Variants in FBXL20 observed in about 807,000 individuals in gnomAD.
FBXL20 encodes the protein F-box/LRR-repeat protein 20.
A neutral mutation model predicts 64.0 loss-of-function variants in FBXL20; 11 were observed. The ratio of observed to expected loss-of-function variants is 0.17; its 90% confidence interval spans 0.11 to 0.28. FBXL20 has a LOEUF of 0.28. Among genes scored for constraint, FBXL20 ranks in the 10% least tolerant of loss-of-function variants. FBXL20 has a pLI of 1.00. For synonymous variants in FBXL20, 184 were observed against 189.0 expected (o/e 0.97, Z 0.22); for missense variants, 303 against 526.2 (o/e 0.58, Z 4.15).
intron 2 of FBXL20, among the ~76,000 whole-genome samples, chr17:39,305,388 A>G (rs1193455925): frequency 6.6e-6 from 1 of 152,206 alleles, no homozygotes; most frequent in Admixed American, 6.5e-5. Flanking sequence ...CTGTGCAAAT[A>G]GTTCAGGGAA....
intron 2 of FBXL20, among the ~76,000 whole-genome samples, chr17:39,325,399 C>T (rs1030452236): frequency 2.0e-5 from 3 of 152,032 alleles, no homozygotes; most frequent in East Asian, 3.9e-4. Flanking sequence ...CTTCTGGTCA[C>T]GGCTGAGTAA....
chr17:39,253,808 A>C lies in FBXL20; in HGVS notation c.*7652T>G, dbSNP rs537610722. 10 of 152,386 alleles carry C rather than the reference A, an allele frequency of 6.6e-5. No homozygotes were observed. The highest frequency in any genetic ancestry group is 2.2e-4 in the African/African-American group (9 of 41,586). 9.4% of individuals were successfully genotyped at this position (152,386 alleles called of 1,614,324 possible). A position where few individuals can be genotyped will look rare whatever the true frequency, so the allele number is the denominator to read the frequency against. Reference sequence around the variant, plus strand: ...GTTTCACTTACTAAAAATCTATTATATAGGAAAGAAAATTATTTGTCCACA... The same window carrying C: ...GTTTCACTTACTAAAAATCTATTATCTAGGAAAGAAAATTATTTGTCCACA... On this transcript the variant is annotated 3_prime_UTR_variant, in exon 15 of 15. Coordinates refer to ENST00000264658, the MANE Select transcript of FBXL20 (RefSeq NM_032875.3).
chr17:39,324,223 C>T (rs1367946411), intron 2 of FBXL20, among the ~76,000 whole-genome samples: 2 of 149,810 alleles, frequency 1.3e-5, no homozygotes, highest in African/African-American at 2.6e-5. Context: ...GGTCCTAGCT[C>T]GGACCTACAG....
rs1247384263 is a variant in FBXL20, at chr17:39,261,280, G to T, written c.*180C>A. 3 of 552,278 alleles carry T rather than the reference G, an allele frequency of 5.4e-6. No individual in the cohort carries two copies. The South Asian group carries it at 6.1e-5, about 11-fold the overall frequency. 34.2% of individuals were successfully genotyped at this position (552,278 alleles called of 1,614,324 possible). A position where few individuals can be genotyped will look rare whatever the true frequency, so the allele number is the denominator to read the frequency against. ...TCAGTCCCATGGTCACAAAGCTAGA[G>T]TGGATGGGGGTAAGGGTGTGTATGT... is the stretch of plus-strand genomic sequence containing the variant. On this transcript the variant is annotated 3_prime_UTR_variant, in exon 15 of 15. Transcript: ENST00000264658.
chr17:39,290,959 T>C (rs1368533328), intron 6 of FBXL20, among the ~76,000 whole-genome samples: 1 of 141,514 alleles, frequency 7.1e-6, no homozygotes, highest in African/African-American at 2.9e-5. Context: ...TCTTCTCCAT[T>C]CTGTATTTTT....
At chr17:39,306,699 G>T (rs537037209) in intron 2 of FBXL20, among the ~76,000 whole-genome samples, 1 of 152,162 alleles carries the variant, frequency 6.6e-6, no homozygotes, top group Non-Finnish European at 1.5e-5. Flanking sequence ...ATATTTGCAT[G>T]ATGTCAGAAA....
chr17:39,339,083 G>A (rs534565711), intron 2 of FBXL20, among the ~76,000 whole-genome samples: 7 of 145,474 alleles, frequency 4.8e-5, no homozygotes, highest in Non-Finnish European at 7.4e-5. Context: ...CAGGAGAATC[G>A]CTTGAACCTG....
chr17:39,370,251 G>C (rs1328227214), intron 1 of FBXL20, among the ~76,000 whole-genome samples: 1 of 151,716 alleles, frequency 6.6e-6, no homozygotes, highest in Admixed American at 6.6e-5. Flanking sequence ...AGCACTTTGG[G>C]AGGCCGGGGC....
intron 11 of FBXL20, among the ~76,000 whole-genome samples, 161 bp downstream of exon 11, chr17:39,270,635 C>T (rs564344020): frequency 6.6e-6 from 1 of 152,244 alleles, no homozygotes; most frequent in East Asian, 1.9e-4. Context: ...AGTTTGTATT[C>T]TTATTGATAT....
At chr17:39,357,160 C>A (rs1457041031) in intron 1 of FBXL20, among the ~76,000 whole-genome samples, 1 of 150,950 alleles carries the variant, frequency 6.6e-6, no homozygotes, top group African/African-American at 2.4e-5. Context: ...GTAATCCCAG[C>A]TACTTGGGAG....
Position 39,379,751 on chromosome 17 carries a change from A to C in FBXL20, c.42+21610T>G, listed in dbSNP as rs532550110. On this transcript the variant is annotated intron_variant, in intron 1 of 14. Transcript: ENST00000264658. ...AGCTATGATTGTACCACTGCAATCC[A>C]GCCTGGACAACAGATCAAGATCCTG... 4.0e-3 allele frequency among the ~76,000 whole-genome samples: 610 copies of C among 152,272 alleles called. 7 individuals are homozygous for C. Among genetic ancestry groups the C allele is most frequent in the Non-Finnish European group, 6.1e-3 (415 of 68,034 alleles).
chr17:39,299,802 C>T (rs182685286), intron 4 of FBXL20, among the ~76,000 whole-genome samples: 59 of 146,052 alleles, frequency 4.0e-4, no homozygotes, highest in African/African-American at 1.4e-3. Context: ...ACAACAACAA[C>T]AAAAACAAAA....
chr17:39,289,998 CAAAA>C (rs368530587), intron 6 of FBXL20, among the ~76,000 whole-genome samples: 3 of 41,840 alleles, frequency 7.2e-5, no homozygotes, highest in African/African-American at 1.5e-4. Context: ...GACTCAGTCT[CAAAA>C]AAAAAAAAAA....
chr17:39,387,382 C>T (rs1301049543), intron 1 of FBXL20, among the ~76,000 whole-genome samples: 2 of 150,602 alleles, frequency 1.3e-5, no homozygotes, highest in African/African-American at 2.4e-5. Context: ...CGGGTTCAAG[C>T]GATTCTCCTG....
At chr17:39,296,313 C>T (rs975131867) in intron 6 of FBXL20, among the ~76,000 whole-genome samples, 2 of 152,044 alleles carry the variant, frequency 1.3e-5, no homozygotes, top group African/African-American at 4.8e-5. Context: ...GTAATCCCAG[C>T]ACTTTGGGAG....
chr17:39,314,993 C>A (rs1253747200), intron 2 of FBXL20, among the ~76,000 whole-genome samples: 1 of 151,994 alleles, frequency 6.6e-6, no homozygotes, highest in African/African-American at 2.4e-5. Flanking sequence ...GACGGGGTTT[C>A]ACCATGTTGG....
At chr17:39,286,462 G>A (rs2046989000) in intron 6 of FBXL20, among the ~76,000 whole-genome samples, 1 of 152,114 alleles carries the variant, frequency 6.6e-6, no homozygotes, top group Non-Finnish European at 1.5e-5. Flanking sequence ...TGTTCCGCGT[G>A]CCTCAGCCTC....
chr17:39,394,264 TTA>T (rs1303520939), intron 1 of FBXL20, among the ~76,000 whole-genome samples: 6 of 151,346 alleles, frequency 4.0e-5, no homozygotes, highest in African/African-American at 1.5e-4. Context: ...ACAGTACTAG[TTA>T]GATTACTGAA....
At chr17:39,299,395 G>A (rs142636873) in intron 4 of FBXL20, among the ~76,000 whole-genome samples, 3 of 152,234 alleles carry the variant, frequency 2.0e-5, no homozygotes, top group Admixed American at 6.6e-5. Context: ...TGCAGCTACT[G>A]AAAGACAGCA....
Sources: allele counts gnomAD v4.1 joint callset (sites outside exome capture counted in the v4.1 genomes callset), GRCh38; gene constraint gnomAD v4.1.1; transcripts MANE v1.5; gene names NCBI Gene and HGNC (gene_info 2026-07-23, HGNC 2026-07-21).